The following SMOC2 variants were observed in gnomAD, a reference collection of about 807,000 sequenced individuals.
The protein encoded by SMOC2 is SPARC related modular calcium binding 2, also known as SPARC-related modular calcium-binding protein 2.
Under a neutral mutation model 61.4 loss-of-function variants are expected in SMOC2, and 39 were observed. The ratio of observed to expected loss-of-function variants is 0.64; its 90% CI spans 0.49 to 0.83. The LOEUF (loss-of-function observed/expected upper bound fraction) is 0.83. Among genes scored for constraint, SMOC2 ranks in the 40% least tolerant of loss-of-function variants. The pLI is 0.00. For synonymous variants in SMOC2, 247 were observed against 239.9 expected (o/e 1.03, Z -0.27); for missense variants, 556 against 592.9 (o/e 0.94, Z 0.65).
At chr6:168,607,868 T>TCCATCCAACCCTGCAACGGGAGGAGGGG (rs1179917223) in intron 8 of SMOC2, among the ~76,000 whole-genome samples, 1 of 151,374 alleles carries the variant, frequency 6.6e-6, no homozygotes, top group South Asian at 2.1e-4. Flanking sequence ...GTGTGGGTGC[T>TCCATCCAACCCTGCAACGGGAGGAGGGG]TGGCAGCTGC....
chr6:168,495,978 C>T (rs1782580879), intron 1 of SMOC2, among the ~76,000 whole-genome samples: 1 of 152,252 alleles, frequency 6.6e-6, no homozygotes, highest in Admixed American at 6.5e-5. Context: ...CTCTCGCCTC[C>T]TCGCTCTTTT....
At chr6:168,598,253 A>G (rs564104602) in intron 7 of SMOC2, among the ~76,000 whole-genome samples, 1 of 152,330 alleles carries the variant, frequency 6.6e-6, no homozygotes, top group African/African-American at 2.4e-5. Flanking sequence ...ACCCCAGGTG[A>G]GAAAGTGGAT....
At chr6:168,458,179 A>G (rs983182417) in intron 1 of SMOC2, among the ~76,000 whole-genome samples, 3 of 152,190 alleles carry the variant, frequency 2.0e-5, no homozygotes, top group Admixed American at 6.5e-5. Context: ...GGGGCCATCA[A>G]CGTACCGGCT....
At chr6:168,552,436 TTAA>T (rs79687759) in intron 7 of SMOC2, among the ~76,000 whole-genome samples, 36,820 of 151,980 alleles carry the variant, frequency 0.24, 5,106 homozygotes, top group East Asian at 0.37. Flanking sequence ...TGTTTTTTTA[TTAA>T]AAAGGCCAAA....
intron 2 of SMOC2, among the ~76,000 whole-genome samples, chr6:168,516,499 T>C (rs528161496): frequency 2.6e-5 from 4 of 151,668 alleles, no homozygotes; most frequent in African/African-American, 9.7e-5. Context: ...AACGGGCGAG[T>C]CTCAGTGAAG....
chr6:168,619,235 G>A (rs569558543), intron 9 of SMOC2, among the ~76,000 whole-genome samples: 110 of 152,306 alleles, frequency 7.2e-4, no homozygotes, highest in African/African-American at 2.4e-3. Context: ...CATTCTGAAC[G>A]ACAACAGGAC....
At chr6:168,516,877 C>A (rs1166548367) in intron 2 of SMOC2, among the ~76,000 whole-genome samples, 1 of 152,114 alleles carries the variant, frequency 6.6e-6, no homozygotes, top group African/African-American at 2.4e-5. Flanking sequence ...TCCCTTGAAC[C>A]CGGGAGGTGG....
At chr6:168,579,315 C>A (rs1784874635) in intron 7 of SMOC2, among the ~76,000 whole-genome samples, 2 of 152,202 alleles carry the variant, frequency 1.3e-5, no homozygotes, top group African/African-American at 4.8e-5. Flanking sequence ...TAAAAAGTGG[C>A]CCCCTCTGGC....
intron 9 of SMOC2, among the ~76,000 whole-genome samples, chr6:168,633,013 C>T (rs903122881): frequency 1.3e-5 from 2 of 152,182 alleles, no homozygotes; most frequent in African/African-American, 4.8e-5. Context: ...AGCTGTCTCT[C>T]CAGCTTCAAG....
intron 12 of SMOC2, chr6:168,664,794 T>G: frequency 2.1e-6 from 1 of 471,142 alleles, no homozygotes; most frequent in Non-Finnish European, 4.4e-6. Flanking sequence ...TCAAGAACAC[T>G]TTCCAGAAGA....
At chr6:168,549,002 A>G in intron 6 of SMOC2, 127 bp from the exon 7 acceptor site, 1 of 696,586 alleles carries the variant, frequency 1.4e-6, no homozygotes, top group Non-Finnish European at 2.6e-6. Context: ...CTATTTCTTT[A>G]CAAATGTACA....
intron 9 of SMOC2, among the ~76,000 whole-genome samples, chr6:168,641,326 A>G (rs1285545058): frequency 6.6e-6 from 1 of 151,738 alleles, no homozygotes; most frequent in Non-Finnish European, 1.5e-5. Flanking sequence ...AATCCCACAC[A>G]CTCTACAGCA....
intron 1 of SMOC2, among the ~76,000 whole-genome samples, chr6:168,501,928 C>A (rs779402567): frequency 2.0e-5 from 3 of 152,256 alleles, no homozygotes; most frequent in Non-Finnish European, 4.4e-5. Flanking sequence ...GCTGCAGATA[C>A]CTCACTCTGG....
intron 1 of SMOC2, among the ~76,000 whole-genome samples, chr6:168,480,514 C>T (rs1429726001): frequency 6.6e-6 from 1 of 151,780 alleles, no homozygotes; most frequent in Non-Finnish European, 1.5e-5. Context: ...CACATTTGAG[C>T]AGATGGAAGA....
At position 168,475,935 on chromosome 6, in the gene SMOC2, C is replaced by T. The variant is rs1478974385; in HGVS notation, c.85-33980C>T. 6.6e-6 allele frequency among the ~76,000 whole-genome samples: 1 copy of T among 151,786 alleles called. No individual in the cohort carries two copies. The highest frequency in any genetic ancestry group is 1.5e-5 in the Non-Finnish European group (1 of 67,912). On this transcript the variant is annotated intron_variant, in intron 1 of 12. Coordinates refer to ENST00000356284, the MANE Select transcript of SMOC2 (RefSeq NM_001166412.2). This position sits in a 1 kb window ranked among gnomAD's most constrained non-coding sequence, Gnocchi z 4.6. Reference sequence around the variant, plus strand: ...AGGCAGGAGCAGGTGGACCAGGAGGCGTGGAAGGGCTGAGGTTTGCTAACC... The same window carrying T: ...AGGCAGGAGCAGGTGGACCAGGAGGTGTGGAAGGGCTGAGGTTTGCTAACC...
intron 2 of SMOC2, among the ~76,000 whole-genome samples, chr6:168,511,444 T>A (rs563029530): frequency 5.3e-5 from 8 of 152,130 alleles, no homozygotes; most frequent in Non-Finnish European, 1.0e-4. Flanking sequence ...GAACTCACTA[T>A]GATGAGAATA....
intron 11 of SMOC2, among the ~76,000 whole-genome samples, chr6:168,661,116 ATT>A (rs35988026): frequency 1.1e-4 from 17 of 150,728 alleles, no homozygotes; most frequent in Non-Finnish European, 1.5e-4. Flanking sequence ...TCCTTACAGA[ATT>A]TTTTTTTTTG....
chr6:168,598,819 G>A lies in SMOC2; in HGVS notation c.639G>A (p.Val213=). 6.2e-7 allele frequency: 1 copy of A among 1,613,704 alleles called. No individual in the cohort carries two copies. The highest frequency in any genetic ancestry group is 8.5e-7 in the Non-Finnish European group (1 of 1,179,742). Residue 213 remains valine, a splice_region_variant and synonymous_variant, in exon 8 of 13, where the codon GTG becomes GTA. Transcript: ENST00000356284. The stretch of plus-strand genomic sequence containing the variant: ...CTTTTGCCTTCTTCTTCCCCGCAGT[G>A]TCATCCTGTGACCAAGAGCACCAGT... ...SRQNKTNKNS[V]SSCDQEHQSA... is the part of the protein sequence containing the mutation.
chr6:168,457,014 C>T lies in SMOC2; in HGVS notation c.84+15560C>T, dbSNP rs373366926. On this transcript the variant is annotated intron_variant, in intron 1 of 12. Coordinates refer to ENST00000356284, the MANE Select transcript of SMOC2 (RefSeq NM_001166412.2). ...CAAGCATGCACACGCTCATGTGAAA[C>T]GGCAACTGCTCCACATCATGCTCCA... Among the ~76,000 whole-genome samples, 48 of 152,282 alleles carry T rather than the reference C, an allele frequency of 3.2e-4. No homozygotes were observed. In the East Asian group the frequency reaches 4.1e-3, roughly 13 times the overall value.
Sources: allele counts gnomAD v4.1 joint callset (sites outside exome capture counted in the v4.1 genomes callset), GRCh38; gene constraint gnomAD v4.1.1; non-coding constraint Gnocchi (gnomAD v3.1); transcripts MANE v1.5; gene names NCBI Gene and HGNC (gene_info 2026-07-23, HGNC 2026-07-21).